The following CNOT6L variants were observed in gnomAD, a reference collection of about 807,000 sequenced individuals.
CNOT6L encodes CCR4-NOT transcription complex subunit 6-like.
A neutral mutation model predicts 64.0 loss-of-function variants in CNOT6L; 7 were observed. The ratio of observed to expected loss-of-function variants is 0.11; its 90% CI spans 0.06 to 0.21. CNOT6L has a LOEUF of 0.21. Ranked by LOEUF, CNOT6L falls within the 10% of genes least tolerant of loss-of-function variation. CNOT6L has a pLI of 1.00. For missense variants in CNOT6L, 245 were observed against 669.0 expected, an observed-to-expected ratio of 0.37 and a Z score of 6.99; for synonymous variants, 193 against 243.4, an observed-to-expected ratio of 0.79 and a Z score of 1.93.
chr4:77,800,367 C>T (rs1560434005), intron 1 of CNOT6L, among the ~76,000 whole-genome samples: 1 of 151,586 alleles, frequency 6.6e-6, no homozygotes, highest in Non-Finnish European at 1.5e-5. Context: ...TTAAAGTAGC[C>T]AGGCACAGTA....
chr4:77,768,493 A>ATATATATATATATATATATAT (rs1727142401), intron 4 of CNOT6L, among the ~76,000 whole-genome samples: 1 of 4,588 alleles, frequency 2.2e-4, no homozygotes, highest in African/African-American at 3.7e-4. Context: ...ATATATATAT[A>ATATATATATATATATATATAT]TATATATATA....
chr4:77,724,843 T>C (rs1721662920), intron 11 of CNOT6L, among the ~76,000 whole-genome samples: 1 of 152,122 alleles, frequency 6.6e-6, no homozygotes, highest in Non-Finnish European at 1.5e-5. Context: ...AACTGTATCA[T>C]TAAAAGGTAT....
At chr4:77,802,719 C>A (rs1731733849) in intron 1 of CNOT6L, among the ~76,000 whole-genome samples, 1 of 152,118 alleles carries the variant, frequency 6.6e-6, no homozygotes, top group Non-Finnish European at 1.5e-5. Context: ...AAAGCATAGA[C>A]CCTAATTATC....
chr4:77,756,275 G>T (rs966176095), intron 5 of CNOT6L, among the ~76,000 whole-genome samples: 2 of 152,220 alleles, frequency 1.3e-5, no homozygotes, highest in African/African-American at 4.8e-5. Flanking sequence ...TTACAAGTGT[G>T]AGCCACCACA....
chr4:77,781,497 A>T (rs1728850176), intron 1 of CNOT6L, among the ~76,000 whole-genome samples: 1 of 152,220 alleles, frequency 6.6e-6, no homozygotes, highest in Admixed American at 6.5e-5. Flanking sequence ...CTGCAAATAA[A>T]TCTACGTAAC....
At chr4:77,787,182 C>T (rs1729553468) in intron 1 of CNOT6L, among the ~76,000 whole-genome samples, 1 of 152,084 alleles carries the variant, frequency 6.6e-6, no homozygotes, top group South Asian at 2.1e-4. Context: ...AGGAGAATCG[C>T]TTGAACCTGG....
chr4:77,727,247 T>C (rs749546628), intron 10 of CNOT6L, among the ~76,000 whole-genome samples: 16 of 152,086 alleles, frequency 1.1e-4, no homozygotes, highest in Admixed American at 2.6e-4. Flanking sequence ...GTAGATAACA[T>C]GATTCCCCCC....
At chr4:77,733,351 A>G (rs926435138) in intron 8 of CNOT6L, among the ~76,000 whole-genome samples, 9 of 152,072 alleles carry the variant, frequency 5.9e-5, no homozygotes, top group Non-Finnish European at 1.0e-4. Context: ...ACTCAGAAAA[A>G]AGAAGCAGAC....
chr4:77,742,428 T>C (rs947063953), intron 7 of CNOT6L, 133 bp from the exon 8 acceptor site: 6 of 875,146 alleles, frequency 6.9e-6, no homozygotes, highest in African/African-American at 3.4e-5. Context: ...CTTACTATCT[T>C]ACCTGATTGC....
chr4:77,791,855 CTTAAT>C (rs1306663714), intron 1 of CNOT6L, among the ~76,000 whole-genome samples: 1 of 152,010 alleles, frequency 6.6e-6, no homozygotes, highest in Non-Finnish European at 1.5e-5. Context: ...ACTGCATGTT[CTTAAT>C]TTATAGATTC....
At chr4:77,773,222 GTATT>G in intron 3 of CNOT6L, 56 bp from the exon 4 acceptor site, 1 of 1,102,950 alleles carries the variant, frequency 9.1e-7, no homozygotes, top group Non-Finnish European at 1.3e-6. Context: ...ATTAACATCT[GTATT>G]TGCCATTCTT....
At chr4:77,774,819 G>C (rs184726564) in intron 2 of CNOT6L, 103 bp from the exon 3 acceptor site, 5 of 628,164 alleles carry the variant, frequency 8.0e-6, no homozygotes, top group Non-Finnish European at 1.3e-5. Flanking sequence ...AATACACATG[G>C]ATATTGTATC....
At chr4:77,778,284 T>G (rs926052351) in intron 1 of CNOT6L, among the ~76,000 whole-genome samples, 2 of 152,142 alleles carry the variant, frequency 1.3e-5, no homozygotes, top group African/African-American at 4.8e-5. Context: ...AATACAAGAT[T>G]AAGCAAAGCC....
At chr4:77,754,373 A>G in intron 5 of CNOT6L, among the ~76,000 whole-genome samples, 1 of 152,174 alleles carries the variant, frequency 6.6e-6, no homozygotes, top group Admixed American at 6.5e-5. Context: ...ATGTAATACA[A>G]TATGGGCAAG....
chr4:77,754,953 T>TA (rs1725348551), intron 5 of CNOT6L, among the ~76,000 whole-genome samples: 1 of 120,498 alleles, frequency 8.3e-6, no homozygotes. Flanking sequence ...ATATTCATGA[T>TA]CTTGTGGTAT....
intron 9 of CNOT6L, among the ~76,000 whole-genome samples, chr4:77,730,801 G>A (rs1722364165): frequency 6.6e-6 from 1 of 152,068 alleles, no homozygotes; most frequent in South Asian, 2.1e-4. Context: ...TGCTTAAAAT[G>A]TACTAGTAAA....
At chr4:77,733,643 C>T (rs1177868716) in intron 8 of CNOT6L, among the ~76,000 whole-genome samples, 1 of 151,960 alleles carries the variant, frequency 6.6e-6, no homozygotes, top group Non-Finnish European at 1.5e-5. Flanking sequence ...AATTTTACTT[C>T]TACCAAAGCT....
intron 8 of CNOT6L, among the ~76,000 whole-genome samples, chr4:77,734,380 GAAC>G (rs993734786): frequency 6.6e-6 from 1 of 152,040 alleles, no homozygotes; most frequent in Admixed American, 6.5e-5. Flanking sequence ...TACGCATTTA[GAAC>G]AATACTATTC....
At chr4:77,774,817 T>C (rs1008727361) in intron 2 of CNOT6L, 101 bp from the exon 3 acceptor site, 14 of 646,872 alleles carry the variant, frequency 2.2e-5, no homozygotes, top group Middle Eastern at 2.5e-4. Context: ...CAAATACACA[T>C]GGATATTGTA....
Sources: gnomAD v4.1 joint callset for allele counts (sites outside exome capture counted in the v4.1 genomes callset) on GRCh38, gnomAD v4.1.1 for gene constraint, MANE v1.5 for transcripts, NCBI Gene and HGNC (gene_info 2026-07-23, HGNC 2026-07-21) for gene names.